Variants in SLC14A2 observed in about 807,000 individuals in gnomAD.
The protein encoded by SLC14A2 is urea transporter 2.
SLC14A2 carries 91 observed loss-of-function variants against 104.6 expected under a neutral mutation model. The observed-to-expected ratio is 0.87, with a 90% confidence interval of 0.73 to 1.04. The LOEUF is 1.04. Ranked by LOEUF, SLC14A2 falls within the 50% of genes least tolerant of loss-of-function variation. The pLI, the probability that SLC14A2 is intolerant of heterozygous loss-of-function variation, is 0.00. For synonymous variants in SLC14A2, 476 were observed against 466.4 expected (o/e 1.02, Z -0.27); for missense variants, 1,189 against 1,156.0 (o/e 1.03, Z -0.41).
the SLC14A2 span, among the ~76,000 whole-genome samples, chr18:45,171,522 G>A: frequency 6.6e-6 from 1 of 152,098 alleles, no homozygotes; most frequent in Non-Finnish European, 1.5e-5. Context: ...ATGACTTCTG[G>A]ATTGAAGATG....
chr18:45,302,681 A>G (rs2084980001), intron 1 of SLC14A2, among the ~76,000 whole-genome samples: 1 of 152,250 alleles, frequency 6.6e-6, no homozygotes, highest in South Asian at 2.1e-4. Flanking sequence ...TATTGAAAGA[A>G]AAATAATATT....
chr18:45,594,436 C>T (rs534094561), intron 2 of SLC14A2, among the ~76,000 whole-genome samples: 59 of 152,272 alleles, frequency 3.9e-4, no homozygotes, highest in Middle Eastern at 6.8e-3. Context: ...AGGTTTTCTC[C>T]GTGAACTTCA....
chr18:45,453,882 CAG>C (rs2086897767), intron 1 of SLC14A2, among the ~76,000 whole-genome samples: 2 of 119,352 alleles, frequency 1.7e-5, no homozygotes, highest in African/African-American at 6.4e-5. Context: ...TTTTTTGAGA[CAG>C]AGTCTCACTC....
intron 1 of SLC14A2, among the ~76,000 whole-genome samples, chr18:45,251,454 T>G (rs1443629922): frequency 1.3e-5 from 2 of 152,246 alleles, no homozygotes; most frequent in African/African-American, 4.8e-5. Flanking sequence ...CTCCTGCACA[T>G]GCATCATGAT....
chr18:45,377,208 T>C (rs979763948), intron 1 of SLC14A2, among the ~76,000 whole-genome samples: 26 of 152,148 alleles, frequency 1.7e-4, no homozygotes, highest in African/African-American at 6.3e-4. Flanking sequence ...CTTACATCTC[T>C]TGAAGTGTCT....
the SLC14A2 span, among the ~76,000 whole-genome samples, chr18:45,201,576 G>GTGTT: frequency 1.3e-5 from 2 of 150,268 alleles, no homozygotes; most frequent in Non-Finnish European, 1.5e-5. Flanking sequence ...GTGTGTGTGT[G>GTGTT]ATTAAATACT....
chr18:45,640,056 G>C (rs1366282493), intron 7 of SLC14A2, among the ~76,000 whole-genome samples, 163 bp downstream of exon 7: 2 of 152,010 alleles, frequency 1.3e-5, no homozygotes, highest in Non-Finnish European at 2.9e-5. Context: ...CACTTTGGGA[G>C]GCCGAGGCAC....
intron 1 of SLC14A2, among the ~76,000 whole-genome samples, chr18:45,396,838 T>C (rs1413568585): frequency 1.3e-5 from 2 of 151,980 alleles, no homozygotes; most frequent in Non-Finnish European, 2.9e-5. Flanking sequence ...CACCCTCAAG[T>C]AGACCCCAGA....
In SLC14A2 at chr18:45,641,267, C is replaced by A. The variant is rs750625541; in HGVS notation, c.1050C>A (p.Cys350Ter). The change falls in exon 8 of 20, where the codon TGC (cysteine) becomes TGA (stop). Residue 350 changes from cysteine to a stop codon, truncating the protein, a stop_gained. Coordinates refer to ENST00000255226, the MANE Select transcript of SLC14A2 (RefSeq NM_007163.4). LOFTEE classifies it high-confidence loss of function. Reference protein sequence around the residue: ...TIYTGLWSYNCVLSCIAIGGM... With the variant: ...TIYTGLWSYN ...ACACAGGCCTCTGGAGCTACAACTG[C>A]GTCCTCTCCTGCATCGCCATCGGAG... 6.2e-7 allele frequency: 1 copy of A among 1,614,150 alleles called. No individual in the cohort carries two copies. Among genetic ancestry groups the A allele is most frequent in the East Asian group, 2.2e-5 (1 of 44,888 alleles).
chr18:45,632,094 G>A (rs759199258), intron 4 of SLC14A2, among the ~76,000 whole-genome samples: 27 of 151,886 alleles, frequency 1.8e-4, no homozygotes, highest in Admixed American at 3.9e-4. Context: ...CACAGACAAA[G>A]TGCATAATTT....
chr18:45,542,004 T>G (rs968210487), intron 2 of SLC14A2, among the ~76,000 whole-genome samples: 1 of 144,800 alleles, frequency 6.9e-6, no homozygotes, highest in Non-Finnish European at 1.5e-5. Flanking sequence ...GGAGCATCTT[T>G]CCTAGGGGCT....
chr18:45,419,462 T>C (rs2086315822), intron 1 of SLC14A2, among the ~76,000 whole-genome samples: 1 of 152,206 alleles, frequency 6.6e-6, no homozygotes. Flanking sequence ...CCAGAAGCAG[T>C]TCAAAATGAA....
intron 1 of SLC14A2, among the ~76,000 whole-genome samples, chr18:45,476,278 T>A (rs979945177): frequency 6.6e-6 from 1 of 152,206 alleles, no homozygotes; most frequent in Non-Finnish European, 1.5e-5. Flanking sequence ...GATTGAAAAC[T>A]CTTTGTTTTA....
chr18:45,636,957 C>A (rs183739703), intron 5 of SLC14A2, 33 bp from the exon 6 acceptor site: 2 of 1,575,542 alleles, frequency 1.3e-6, no homozygotes, highest in Non-Finnish European at 1.7e-6. Context: ...CAGGATGTCA[C>A]AGGGATTAAC....
At chr18:45,632,113 G>A (rs944809919) in intron 4 of SLC14A2, among the ~76,000 whole-genome samples, 8 of 140,230 alleles carry the variant, frequency 5.7e-5, no homozygotes, top group East Asian at 2.0e-4. Context: ...TTTAATTGTC[G>A]ATCAGCAAGA....
the SLC14A2 span, among the ~76,000 whole-genome samples, chr18:45,194,930 T>C: frequency 1.6e-4 from 24 of 152,216 alleles, no homozygotes; most frequent in East Asian, 4.6e-3. Flanking sequence ...TTTCTTTTAA[T>C]ATCAACCTTG....
In SLC14A2 at chr18:45,639,887, C is replaced by G; in HGVS notation, c.985C>G (p.Leu329Val). Reference sequence around the variant, plus strand: ...AGCCATTGGCTCAATCGTGGGGCTGCTAGCAGGTAGGACAGAGCTCCCTCT... The same window carrying G: ...AGCCATTGGCTCAATCGTGGGGCTGGTAGCAGGTAGGACAGAGCTCCCTCT... ...HAAIGSIVGL[L>V]AALSVATPFE... is the part of the protein sequence containing the mutation. Residue 329 changes from leucine to valine, a missense_variant, in exon 7 of 20, where the codon CTA (leucine) becomes GTA (valine). Physicochemically the swap from Leu to Val is conservative, Grantham distance 32 (BLOSUM62 1). Transcript: ENST00000255226. 1.2e-6 allele frequency: 2 copies of G among 1,613,082 alleles called. No homozygotes were observed. Among genetic ancestry groups the G allele is most frequent in the Non-Finnish European group, 8.5e-7 (1 of 1,179,806 alleles).
chr18:45,515,315 TAG>T (rs2043423310), intron 2 of SLC14A2: 1 of 152,238 alleles, frequency 6.6e-6, no homozygotes, highest in Admixed American at 6.5e-5. Context: ...GCAATGATTA[TAG>T]AGAGTGTAGA....
chr18:45,636,103 A>T (rs936966329), intron 5 of SLC14A2, among the ~76,000 whole-genome samples: 1 of 152,222 alleles, frequency 6.6e-6, no homozygotes, highest in African/African-American at 2.4e-5. Context: ...AATGTGAAAT[A>T]CTTGTCTCAG....
Sources: gnomAD v4.1 joint callset for allele counts (sites outside exome capture counted in the v4.1 genomes callset) on GRCh38, gnomAD v4.1.1 for gene constraint, MANE v1.5 for transcripts, NCBI Gene and HGNC (gene_info 2026-07-23, HGNC 2026-07-21) for gene names.